OSBPL3: variants seen among roughly 807,000 people sequenced by gnomAD.
OSBPL3 encodes the protein oxysterol binding protein like 3, also known as oxysterol-binding protein-related protein 3.
A neutral mutation model predicts 120.1 loss-of-function variants in OSBPL3; 65 were observed. The observed-to-expected ratio is 0.54, with a 90% confidence interval of 0.44 to 0.67. The LOEUF (loss-of-function observed/expected upper bound fraction) is 0.67. OSBPL3 is among the 30% of genes least tolerant of loss of function. The pLI is 0.00. For synonymous variants in OSBPL3, 416 were observed against 402.6 expected, an observed-to-expected ratio of 1.03 and a Z score of -0.40; for missense variants, 1,004 against 1,082.1, an observed-to-expected ratio of 0.93 and a Z score of 1.01.
In OSBPL3 at chr7:24,898,627, T is replaced by G. The variant is rs1190891526; in HGVS notation, c.-149-6006A>C. Among the ~76,000 whole-genome samples, 1 of 152,178 alleles carries G rather than the reference T, an allele frequency of 6.6e-6. No individual in the cohort carries two copies. The highest frequency in any genetic ancestry group is 1.5e-5 in the Non-Finnish European group (1 of 68,018). Reference sequence around the variant, plus strand: ...CCCAATCCAGCAACAGAAATGCACCTGGTGCATATTTGAAGCGTGCGGCTT... The same window carrying G: ...CCCAATCCAGCAACAGAAATGCACCGGGTGCATATTTGAAGCGTGCGGCTT... On this transcript the variant is annotated intron_variant, in intron 1 of 22. Coordinates refer to ENST00000313367, the MANE Select transcript of OSBPL3 (RefSeq NM_015550.4). The surrounding 1 kb of genome is among the most constrained non-coding windows in gnomAD (Gnocchi z 4.3).
chr7:24,934,628 A>C (rs916219100), intron 1 of OSBPL3, among the ~76,000 whole-genome samples: 1 of 152,204 alleles, frequency 6.6e-6, no homozygotes, highest in Non-Finnish European at 1.5e-5. Context: ...GAAACTCAGC[A>C]TAACTACTTA....
chr7:24,804,268 G>A lies in OSBPL3; in HGVS notation c.2567+47C>T, dbSNP rs1211501935. ...TTTCTGCAAACCAGAAGCATAACGT[G>A]CTGGCACCACCTATCAACCAAAAAC... On this transcript the variant is annotated intron_variant, in intron 22 of 22. Transcript: ENST00000313367. This position sits in a 1 kb window ranked among gnomAD's most constrained non-coding sequence, Gnocchi z 5.4. 1 of 1,610,966 alleles carries A rather than the reference G, an allele frequency of 6.2e-7. No individual in the cohort carries two copies. Among genetic ancestry groups the A allele is most frequent in the Non-Finnish European group, 8.5e-7 (1 of 1,177,468 alleles).
At chr7:24,943,786 G>A (rs1813372736) in intron 1 of OSBPL3, among the ~76,000 whole-genome samples, 1 of 152,084 alleles carries the variant, frequency 6.6e-6, no homozygotes, top group East Asian at 1.9e-4. Flanking sequence ...TAAATTGGAT[G>A]GACTGCTGAA....
chr7:24,823,974 A>G (rs1368135302), intron 16 of OSBPL3, among the ~76,000 whole-genome samples: 1 of 152,230 alleles, frequency 6.6e-6, no homozygotes, highest in African/African-American at 2.4e-5. Context: ...AATTCAGGCA[A>G]AAAGGGCAGT....
chr7:24,876,642 T>G (rs1802888906), intron 2 of OSBPL3, among the ~76,000 whole-genome samples: 1 of 152,188 alleles, frequency 6.6e-6, no homozygotes. Context: ...GTAGCTGGCC[T>G]ACAAAGAGAT....
intron 17 of OSBPL3, among the ~76,000 whole-genome samples, 158 bp from the exon 18 acceptor site, chr7:24,816,846 C>A (rs1040222899): frequency 3.3e-5 from 5 of 152,144 alleles, no homozygotes; most frequent in Non-Finnish European, 7.4e-5. Flanking sequence ...TAAGTACCAA[C>A]CCCATATGGG....
Position 24,842,387 on chromosome 7 carries a change from A to G in OSBPL3, c.1293T>C (p.Ala431=). 1.2e-6 allele frequency: 2 copies of G among 1,610,878 alleles called. No homozygotes were observed. The highest frequency in any genetic ancestry group is 1.7e-6 in the Non-Finnish European group (2 of 1,179,012). ...AEENSRDENR[A]LVHQLSNESR... ...TTTCATTAGAAAGCTGATGAACTAG[A>G]GCTCGGTTTTCATCTCTGGAGTTTT... The change falls in exon 13 of 23, where the codon GCT becomes GCC. Residue 431 remains alanine (A), a synonymous_variant. Coordinates refer to ENST00000313367, the MANE Select transcript of OSBPL3 (RefSeq NM_015550.4).
chr7:24,891,212 A>T lies in OSBPL3; in HGVS notation c.96+1165T>A, dbSNP rs905221402. ...CAATGACTAATTTTAGTCTTTTCTT[A>T]TTTTTTTTTTTTTTAATTCCAGAAG... On this transcript the variant is annotated intron_variant, in intron 2 of 22. Transcript: ENST00000313367. The surrounding 1 kb of genome is among the most constrained non-coding windows in gnomAD (Gnocchi z 4.1). Among the ~76,000 whole-genome samples the T allele has an allele frequency of 2.0e-5, 3 of 146,886 alleles. No homozygotes were observed. Among genetic ancestry groups the T allele is most frequent in the African/African-American group, 5.0e-5 (2 of 40,052 alleles).
chr7:24,943,536 T>TA (rs1813340845), intron 1 of OSBPL3, among the ~76,000 whole-genome samples: 2 of 152,238 alleles, frequency 1.3e-5, no homozygotes, highest in Non-Finnish European at 2.9e-5. Context: ...TTTTAATGAC[T>TA]GAAATAACAG....
rs570586348 is a variant in OSBPL3, at chr7:24,871,688, T to C, written c.267+54A>G. ...ATACACACTCTCATCTCTGAGCTGA[T>C]GGTTACCCCTTTAGGATTCTTCAAT... On this transcript the variant is annotated intron_variant, in intron 4 of 22. Transcript: ENST00000313367. This position sits in a 1 kb window ranked among gnomAD's most constrained non-coding sequence, Gnocchi z 4.8. 10 of 1,290,662 alleles carry C rather than the reference T, an allele frequency of 7.7e-6. No homozygotes were observed. The highest frequency in any genetic ancestry group is 1.0e-5 in the Non-Finnish European group (9 of 890,608). 80.0% of individuals were successfully genotyped at this position (1,290,662 alleles called of 1,614,324 possible).
At chr7:24,908,136 A>T (rs969169631) in intron 1 of OSBPL3, among the ~76,000 whole-genome samples, 4 of 152,194 alleles carry the variant, frequency 2.6e-5, no homozygotes, top group Admixed American at 6.5e-5. Context: ...TTCTAGTACC[A>T]TAGAGATGTT....
Position 24,800,203 on chromosome 7 carries a change from C to A in OSBPL3, c.2644G>T (p.Asp882Tyr). 6.3e-7 allele frequency: 1 copy of A among 1,599,910 alleles called. No individual in the cohort carries two copies. Among genetic ancestry groups the A allele is most frequent in the Non-Finnish European group, 8.6e-7 (1 of 1,167,150 alleles). ...CTTTTTCACCATAAGACAGGATGGT[C>A]CAGTTTGGAAAAACCAAGATCTTTT... ...LRKDLGFSKLDHPVLW is the reference protein window; with the variant it reads ...LRKDLGFSKLYHPVLW Residue 882 changes from aspartate (D) to tyrosine (Y), a missense_variant, in exon 23 of 23, where the codon GAC (aspartate) becomes TAC (tyrosine). By Grantham distance (160) the Asp-to-Tyr change is radical (BLOSUM62 -3). Coordinates refer to ENST00000313367, the MANE Select transcript of OSBPL3 (RefSeq NM_015550.4).
intron 1 of OSBPL3, among the ~76,000 whole-genome samples, chr7:24,921,804 A>G (rs1424689932): frequency 6.6e-6 from 1 of 152,212 alleles, no homozygotes; most frequent in Non-Finnish European, 1.5e-5. Flanking sequence ...GCTAATTTGG[A>G]AATGAAAACA....
At chr7:24,890,775 T>C (rs941287906) in intron 2 of OSBPL3, among the ~76,000 whole-genome samples, 1 of 152,198 alleles carries the variant, frequency 6.6e-6, no homozygotes, top group Non-Finnish European at 1.5e-5. Flanking sequence ...GAGTGACTGA[T>C]TGACCAAGCA....
chr7:24,841,717 A>AAAAAAAAAAAAAAAGAAAAAAAAG (rs70942886), intron 13 of OSBPL3, among the ~76,000 whole-genome samples: 1 of 82,792 alleles, frequency 1.2e-5, no homozygotes, highest in Non-Finnish European at 2.3e-5. Flanking sequence ...AAAAAAAAAA[A>AAAAAAAAAAAAAAAGAAAAAAAAG]AAAAGAGGCC....
chr7:24,943,715 G>A (rs1457932019), intron 1 of OSBPL3, among the ~76,000 whole-genome samples: 2 of 152,194 alleles, frequency 1.3e-5, no homozygotes, highest in Non-Finnish European at 2.9e-5. Flanking sequence ...AAATGGAAAT[G>A]TGACTCTAAG....
chr7:24,961,797 A>C (rs555163126), intron 1 of OSBPL3, among the ~76,000 whole-genome samples: 1 of 152,170 alleles, frequency 6.6e-6, no homozygotes, highest in Non-Finnish European at 1.5e-5. Flanking sequence ...AAACAAGGAG[A>C]TCTCTCTAGA....
At position 24,800,030 on chromosome 7, in the gene OSBPL3, C is replaced by A. The variant is rs531358882; in HGVS notation, c.*153G>T. ...ACATTTGAAATTGTAAAGAAACGCACTGAGGAAAATATAGACTTAAAGAGT... is the reference window on the plus strand; with the variant it reads ...ACATTTGAAATTGTAAAGAAACGCAATGAGGAAAATATAGACTTAAAGAGT... On this transcript the variant is annotated 3_prime_UTR_variant, in exon 23 of 23. Transcript: ENST00000313367. 1.9e-4 allele frequency: 83 copies of A among 442,644 alleles called. No homozygotes were observed. In the Middle Eastern group the frequency reaches 5.4e-3, roughly 29 times the overall value. The allele number at this position is 442,644 out of a possible 1,614,324, so 27.4% of individuals were successfully genotyped here.
chr7:24,859,235 G>A (rs886895279), intron 10 of OSBPL3, among the ~76,000 whole-genome samples: 25 of 152,120 alleles, frequency 1.6e-4, no homozygotes, highest in Non-Finnish European at 2.4e-4. Flanking sequence ...ACAAAAATAC[G>A]AAGTAGGAAA....
Sources: allele counts gnomAD v4.1 joint callset (sites outside exome capture counted in the v4.1 genomes callset), GRCh38; gene constraint gnomAD v4.1.1; non-coding constraint Gnocchi (gnomAD v3.1); transcripts MANE v1.5; gene names NCBI Gene and HGNC (gene_info 2026-07-23, HGNC 2026-07-21).